The following MCHR2 variants were observed in gnomAD, a reference collection of about 807,000 sequenced individuals.
MCHR2 encodes melanin-concentrating hormone receptor 2.
A neutral mutation model predicts 24.8 loss-of-function variants in MCHR2; 15 were observed. The ratio of observed to expected loss-of-function variants is 0.60; its 90% CI spans 0.40 to 0.93. MCHR2 has a LOEUF of 0.93. Among genes scored for constraint, MCHR2 ranks in the 40% least tolerant of loss-of-function variants. The pLI, the probability that MCHR2 is intolerant of heterozygous loss-of-function variation, is 0.00. For synonymous variants in MCHR2, 151 were observed against 147.6 expected, an observed-to-expected ratio of 1.02 and a Z score of -0.17; for missense variants, 386 against 408.7, an observed-to-expected ratio of 0.94 and a Z score of 0.48.
Position 99,983,086 on chromosome 6 carries a change from G to A in MCHR2, c.-28+10850C>T, listed in dbSNP as rs114817587. On this transcript the variant is annotated intron_variant, in intron 1 of 5. Coordinates refer to ENST00000281806, the MANE Select transcript of MCHR2 (RefSeq NM_001040179.2). ...AGTAATCCTCTCACCTCAGATTCCT[G>A]AGTAGCTGGGACTTCAGGAGGGCAC... is the stretch of plus-strand genomic sequence containing the variant. 3.7e-3 allele frequency among the ~76,000 whole-genome samples: 565 copies of A among 152,164 alleles called. 3 individuals carry two copies. The highest frequency in any genetic ancestry group is 0.013 in the African/African-American group (547 of 41,510).
intron 2 of MCHR2, among the ~76,000 whole-genome samples, chr6:99,951,040 T>C (rs2114534063): frequency 6.6e-6 from 1 of 152,146 alleles, no homozygotes; most frequent in East Asian, 1.9e-4. Context: ...TGGTCCAAGA[T>C]ACCAGTGGGG....
intron 5 of MCHR2, among the ~76,000 whole-genome samples, chr6:99,924,579 C>A (rs1774309688): frequency 1.3e-5 from 2 of 151,760 alleles, no homozygotes; most frequent in African/African-American, 4.8e-5. Flanking sequence ...TTGATGTATC[C>A]CATAGGTTTT....
intron 5 of MCHR2, among the ~76,000 whole-genome samples, chr6:99,932,693 A>G (rs1414932749): frequency 1.3e-5 from 2 of 152,190 alleles, no homozygotes; most frequent in African/African-American, 2.4e-5. Context: ...AATGTTCTAC[A>G]GGATACCTGG....
At chr6:99,966,676 A>G (rs1463998192) in intron 1 of MCHR2, among the ~76,000 whole-genome samples, 1 of 152,206 alleles carries the variant, frequency 6.6e-6, no homozygotes, top group Non-Finnish European at 1.5e-5. Flanking sequence ...TACAGAAACA[A>G]AATATTAATT....
intron 2 of MCHR2, 89 bp downstream of exon 2, chr6:99,955,877 G>A (rs1775048823): frequency 9.4e-7 from 1 of 1,063,774 alleles, no homozygotes; most frequent in Admixed American, 3.2e-5. Flanking sequence ...TAAGCAAAAT[G>A]CTACAGGGGA....
chr6:99,968,808 C>A (rs1775340959), intron 1 of MCHR2, among the ~76,000 whole-genome samples: 1 of 151,616 alleles, frequency 6.6e-6, no homozygotes, highest in Non-Finnish European at 1.5e-5. Context: ...CAAAATCAAA[C>A]TAGAAATCAA....
intron 1 of MCHR2, among the ~76,000 whole-genome samples, chr6:99,982,831 A>G (rs1775697062): frequency 6.6e-6 from 1 of 152,166 alleles, no homozygotes. Context: ...GACAAATGGA[A>G]AGTGACACTA....
chr6:99,929,227 T>C (rs1774445840), intron 5 of MCHR2, among the ~76,000 whole-genome samples: 1 of 152,220 alleles, frequency 6.6e-6, no homozygotes, highest in Non-Finnish European at 1.5e-5. Context: ...GTCTGATCTT[T>C]TACATTTGCT....
At chr6:99,953,513 G>C (rs957948830) in intron 2 of MCHR2, among the ~76,000 whole-genome samples, 2 of 152,038 alleles carry the variant, frequency 1.3e-5, no homozygotes, top group African/African-American at 4.8e-5. Flanking sequence ...TTGCCTCTTT[G>C]AAGCTCCCTT....
At position 99,934,013 on chromosome 6, in the gene MCHR2, T is replaced by A. The variant is rs567515141; in HGVS notation, c.707+385A>T. Among the ~76,000 whole-genome samples the A allele has an allele frequency of 1.3e-4, 20 of 152,054 alleles. 1 individual carries two copies. The South Asian group carries it at 4.1e-3, about 32-fold the overall frequency. On this transcript the variant is annotated intron_variant, in intron 5 of 5. Coordinates refer to ENST00000281806, the MANE Select transcript of MCHR2 (RefSeq NM_001040179.2). ...TTAATGAGACTTTTCTCCTTTAAATTAAAAAAATTGAAACACAAAAATTAA... is the reference window on the plus strand; with the variant it reads ...TTAATGAGACTTTTCTCCTTTAAATAAAAAAAATTGAAACACAAAAATTAA...
At chr6:99,926,861 T>C (rs923028063) in intron 5 of MCHR2, among the ~76,000 whole-genome samples, 7 of 152,240 alleles carry the variant, frequency 4.6e-5, no homozygotes, top group African/African-American at 9.6e-5. Context: ...TTTGTCAATT[T>C]TGGCTTTTGT....
intron 2 of MCHR2, among the ~76,000 whole-genome samples, chr6:99,952,800 CA>C (rs1774990331): frequency 6.6e-6 from 1 of 151,928 alleles, no homozygotes; most frequent in African/African-American, 2.4e-5. Context: ...AAAATCTTAG[CA>C]AAAAAATTAA....
intron 4 of MCHR2, among the ~76,000 whole-genome samples, chr6:99,934,800 C>T (rs1328558238): frequency 1.3e-5 from 2 of 152,054 alleles, no homozygotes; most frequent in African/African-American, 4.8e-5. Flanking sequence ...CAGTGTTTAA[C>T]AATGACAGGC....
At chr6:99,966,963 C>T (rs1363022492) in intron 1 of MCHR2, among the ~76,000 whole-genome samples, 3 of 152,104 alleles carry the variant, frequency 2.0e-5, no homozygotes, top group Non-Finnish European at 4.4e-5. Flanking sequence ...GTCTCTCCAT[C>T]TGTGCTCATG....
intron 5 of MCHR2, among the ~76,000 whole-genome samples, chr6:99,928,098 G>A (rs533668657): frequency 2.6e-5 from 4 of 152,166 alleles, no homozygotes; most frequent in Admixed American, 6.5e-5. Flanking sequence ...AGATAATCGT[G>A]TGGTTTTTGT....
rs139867336 is a variant in MCHR2 at position 99,919,028 on chromosome 6, C to G, written c.*1912G>C. 2.2e-3 allele frequency among the ~76,000 whole-genome samples: 330 copies of G among 152,224 alleles called. No homozygotes were observed. The highest frequency in any genetic ancestry group is 3.6e-3 in the Non-Finnish European group (246 of 68,026). ...ATCACATAATAAGATGTTTCTGACC[C>G]ATTGTGCTGGGTCTTCAGAAGTCAA... is the stretch of plus-strand genomic sequence containing the variant. On this transcript the variant is annotated 3_prime_UTR_variant, in exon 6 of 6. Coordinates refer to ENST00000281806, the MANE Select transcript of MCHR2 (RefSeq NM_001040179.2).
chr6:99,960,156 G>A (rs1351524111), intron 1 of MCHR2, among the ~76,000 whole-genome samples: 1 of 151,914 alleles, frequency 6.6e-6, no homozygotes, highest in Non-Finnish European at 1.5e-5. Context: ...CAGAAACCTT[G>A]CAAGCCAGGA....
intron 1 of MCHR2, among the ~76,000 whole-genome samples, chr6:99,969,490 AAAG>A (rs537080110): frequency 0.049 from 4,587 of 93,350 alleles, 123 homozygotes; most frequent in East Asian, 0.22. Flanking sequence ...AAAAAAAAAA[AAAG>A]AAAAGAAAAC....
chr6:99,932,351 G>A (rs558545071), intron 5 of MCHR2, among the ~76,000 whole-genome samples: 107 of 152,166 alleles, frequency 7.0e-4, no homozygotes, highest in Non-Finnish European at 1.3e-3. Context: ...TTTTACAGAA[G>A]CATTCTAAAT....
Sources: allele counts gnomAD v4.1 joint callset (sites outside exome capture counted in the v4.1 genomes callset), GRCh38; gene constraint gnomAD v4.1.1; transcripts MANE v1.5; gene names NCBI Gene and HGNC (gene_info 2026-07-23, HGNC 2026-07-21).